The following IL1RAPL1 variants were observed in gnomAD, a reference collection of about 807,000 sequenced individuals.
IL1RAPL1 encodes interleukin 1 receptor accessory protein like 1.
IL1RAPL1 carries 3 observed loss-of-function variants against 48.4 expected under a neutral mutation model. That is an observed-to-expected ratio of 0.06 (90% confidence interval 0.03 to 0.16). IL1RAPL1 has a LOEUF of 0.16. IL1RAPL1 is among the 10% of genes least tolerant of loss of function. The pLI, the probability that IL1RAPL1 is intolerant of heterozygous loss-of-function variation, is 1.00. For missense variants in IL1RAPL1, 349 were observed against 530.6 expected (o/e 0.66, Z 3.36); for synonymous variants, 185 against 187.7 (o/e 0.99, Z 0.12).
At chrX:29,609,418 T>C (rs185836285) in intron 5 of IL1RAPL1, among the ~76,000 whole-genome samples, 1 of 112,033 alleles carries the variant, frequency 8.9e-6, no homozygotes, top group Admixed American at 9.5e-5. Flanking sequence ...GCCAACTGGA[T>C]GAGTTTCCTG....
intron 2 of IL1RAPL1, among the ~76,000 whole-genome samples, chrX:29,220,160 C>CA (rs1569262848): frequency 1.8e-5 from 2 of 111,659 alleles, no homozygotes; most frequent in Admixed American, 1.9e-4. Flanking sequence ...GTTTGAATCT[C>CA]ACCTTACCAA....
chrX:29,255,583 G>A (rs752944907), intron 2 of IL1RAPL1, among the ~76,000 whole-genome samples: 5 of 110,679 alleles, frequency 4.5e-5, no homozygotes, highest in Non-Finnish European at 9.5e-5. Context: ...ACACAAATAG[G>A]CAGTTTTCTA....
intron 2 of IL1RAPL1, among the ~76,000 whole-genome samples, chrX:28,856,390 GT>G (rs1000853706): frequency 9.0e-6 from 1 of 111,422 alleles, no homozygotes; most frequent in African/African-American, 3.3e-5. Context: ...GAACAAAGGA[GT>G]TTTTTTTCCA....
In IL1RAPL1 at chrX:29,638,745, G is replaced by A. The variant is rs1028529452; in HGVS notation, c.704-29685G>A. On this transcript the variant is annotated intron_variant, in intron 5 of 10. Transcript: ENST00000378993. Reference sequence around the variant, plus strand: ...TTATCTTTTATCAAAAGAACTGTTAGTAACTGAGGACATCAAAAAATTATG... The same window carrying A: ...TTATCTTTTATCAAAAGAACTGTTAATAACTGAGGACATCAAAAAATTATG... 1.1e-4 allele frequency among the ~76,000 whole-genome samples: 12 copies of A among 112,115 alleles called. No homozygotes were observed. The East Asian group carries it at 3.3e-3, about 31-fold the overall frequency.
At position 29,520,938 on chromosome X, in the gene IL1RAPL1, G is replaced by A. The variant is rs765256320; in HGVS notation, c.703+121630G>A. 7.2e-5 allele frequency among the ~76,000 whole-genome samples: 8 copies of A among 110,851 alleles called. No homozygotes were observed. The East Asian group carries it at 1.4e-3, about 20-fold the overall frequency. ...TGTCTGAATTTGCTTTGTATGTGCC[G>A]GAATGTCTATGAGTTACCCTTTGAA... On this transcript the variant is annotated intron_variant, in intron 5 of 10. Coordinates refer to ENST00000378993, the MANE Select transcript of IL1RAPL1 (RefSeq NM_014271.4).
intron 5 of IL1RAPL1, among the ~76,000 whole-genome samples, chrX:29,604,303 A>G (rs1923819740): frequency 8.9e-6 from 1 of 112,186 alleles, no homozygotes; most frequent in South Asian, 3.7e-4. Flanking sequence ...TATTAGCAAA[A>G]CTTTGAAAAC....
intron 2 of IL1RAPL1, among the ~76,000 whole-genome samples, chrX:28,870,381 C>T (rs1361406426): frequency 9.0e-6 from 1 of 111,181 alleles, no homozygotes; most frequent in Admixed American, 9.5e-5. Flanking sequence ...CTTTACATTC[C>T]TTATATATCT....
chrX:28,850,200 A>C (rs1921622973), intron 2 of IL1RAPL1, among the ~76,000 whole-genome samples: 1 of 111,969 alleles, frequency 8.9e-6, no homozygotes, highest in Non-Finnish European at 1.9e-5. Flanking sequence ...TTATTAAAAT[A>C]TTGTTAAAAT....
At chrX:29,569,129 A>T (rs1922507972) in intron 5 of IL1RAPL1, among the ~76,000 whole-genome samples, 1 of 111,566 alleles carries the variant, frequency 9.0e-6, no homozygotes, top group Non-Finnish European at 1.9e-5. Context: ...AGCACCACTG[A>T]ACTAGAAAAT....
At chrX:29,194,977 G>A (rs1332721071) in intron 2 of IL1RAPL1, among the ~76,000 whole-genome samples, 3 of 110,950 alleles carry the variant, frequency 2.7e-5, no homozygotes, top group Non-Finnish European at 3.8e-5. Context: ...AAGTTAACTC[G>A]CCCCAACCCA....
chrX:29,516,243 T>G (rs192107670), intron 5 of IL1RAPL1, among the ~76,000 whole-genome samples: 49 of 112,265 alleles, frequency 4.4e-4, no homozygotes, highest in Admixed American at 9.4e-4. Flanking sequence ...ATTATCTTGA[T>G]TTACTGTAAT....
chrX:29,655,651 CAAA>C (rs746998144), intron 5 of IL1RAPL1, among the ~76,000 whole-genome samples: 4 of 26,757 alleles, frequency 1.5e-4, no homozygotes, highest in Admixed American at 5.9e-4. Flanking sequence ...TGACAGTCTC[CAAA>C]AAAAAAAAAA....
At chrX:29,854,850 G>A (rs1422999562) in intron 6 of IL1RAPL1, among the ~76,000 whole-genome samples, 1 of 110,578 alleles carries the variant, frequency 9.0e-6, no homozygotes, top group Non-Finnish European at 1.9e-5. Flanking sequence ...GCCAAGGCGG[G>A]AGGATCACTT....
chrX:29,526,190 A>T (rs1935550972), intron 5 of IL1RAPL1, among the ~76,000 whole-genome samples: 1 of 111,904 alleles, frequency 8.9e-6, no homozygotes, highest in South Asian at 3.7e-4. Flanking sequence ...CTGTTTCAGG[A>T]TGTCTTCATC....
intron 1 of IL1RAPL1, among the ~76,000 whole-genome samples, chrX:28,772,754 A>G (rs187916492): frequency 1.8e-5 from 2 of 111,875 alleles, no homozygotes; most frequent in African/African-American, 6.5e-5. Context: ...AAACTGTTAG[A>G]CAAAATATGA....
At chrX:29,877,478 A>G (rs913328913) in intron 6 of IL1RAPL1, among the ~76,000 whole-genome samples, 2 of 112,199 alleles carry the variant, frequency 1.8e-5, no homozygotes, top group African/African-American at 6.5e-5. Context: ...CAATATACAA[A>G]TAACTACAGC....
chrX:28,725,804 G>T (rs966470036), intron 1 of IL1RAPL1, among the ~76,000 whole-genome samples: 11 of 112,030 alleles, frequency 9.8e-5, no homozygotes, highest in Non-Finnish European at 2.1e-4. Flanking sequence ...ATAACCTGAT[G>T]GTGGCATAGG....
intron 3 of IL1RAPL1, among the ~76,000 whole-genome samples, chrX:29,294,542 G>A (rs1329555229): frequency 9.2e-6 from 1 of 108,154 alleles, no homozygotes; most frequent in African/African-American, 3.4e-5. Context: ...AAGTAAAATT[G>A]TAAAAAATTT....
At chrX:28,997,131 G>A (rs1925743336) in intron 2 of IL1RAPL1, among the ~76,000 whole-genome samples, 2 of 110,715 alleles carry the variant, frequency 1.8e-5, no homozygotes, top group Admixed American at 9.7e-5. Flanking sequence ...GGAAGAAGTT[G>A]TACAAAAGCA....
Sources: gnomAD v4.1 joint callset for allele counts (sites outside exome capture counted in the v4.1 genomes callset) on GRCh38, gnomAD v4.1.1 for gene constraint, MANE v1.5 for transcripts, NCBI Gene and HGNC (gene_info 2026-07-23, HGNC 2026-07-21) for gene names.